NTM: variants seen among roughly 807,000 people sequenced by gnomAD.
The protein encoded by NTM is IgLON family member 2.
NTM carries 13 observed loss-of-function variants against 42.1 expected under a neutral mutation model. The observed-to-expected ratio is 0.31, with a 90% CI of 0.20 to 0.49. The LOEUF (loss-of-function observed/expected upper bound fraction) is 0.49. Among genes scored for constraint, NTM ranks in the 20% least tolerant of loss-of-function variants. NTM has a pLI of 0.99. For synonymous variants in NTM, 187 were observed against 179.2 expected (o/e 1.04, Z -0.35); for missense variants, 373 against 452.8 (o/e 0.82, Z 1.60).
At chr11:131,543,643 G>A (rs113196148) in intron 1 of NTM, among the ~76,000 whole-genome samples, 268 of 152,308 alleles carry the variant, frequency 1.8e-3, no homozygotes, top group Non-Finnish European at 2.6e-3. Context: ...GAGCTGGGGA[G>A]AGGCTCTGCT....
At position 131,781,028 on chromosome 11, in the gene NTM, T is replaced by C. The variant is rs920278977; in HGVS notation, c.83-130536T>C. Among the ~76,000 whole-genome samples, 10 of 152,094 alleles carry C rather than the reference T, an allele frequency of 6.6e-5. 1 individual carries two copies. The highest frequency in any genetic ancestry group is 2.4e-5 in the African/African-American group (1 of 41,428). On this transcript the variant is annotated intron_variant, in intron 1 of 8. Transcript: ENST00000683400. ...TACTACAGAAACCAGAAGACAACTTTAGAAAGTATCTTGTACATAATTTTC... is the reference window on the plus strand; with the variant it reads ...TACTACAGAAACCAGAAGACAACTTCAGAAAGTATCTTGTACATAATTTTC...
At chr11:132,049,432 G>A (rs1263194192) in intron 2 of NTM, among the ~76,000 whole-genome samples, 1 of 152,178 alleles carries the variant, frequency 6.6e-6, no homozygotes, top group Non-Finnish European at 1.5e-5. Context: ...CTGGAAGAGA[G>A]GCTAGGCTGG....
At chr11:132,062,195 A>C (rs2080792911) in intron 2 of NTM, among the ~76,000 whole-genome samples, 1 of 152,200 alleles carries the variant, frequency 6.6e-6, no homozygotes, top group South Asian at 2.1e-4. Flanking sequence ...AGTAACAGTA[A>C]ACCTGCCTCA....
At chr11:131,524,405 C>G (rs946752236) in intron 1 of NTM, among the ~76,000 whole-genome samples, 2 of 152,176 alleles carry the variant, frequency 1.3e-5, no homozygotes, top group African/African-American at 4.8e-5. Flanking sequence ...GTTAGTATAG[C>G]AAGGCACCAA....
intron 2 of NTM, among the ~76,000 whole-genome samples, chr11:132,007,716 G>A (rs1427683099): frequency 6.6e-6 from 1 of 152,196 alleles, no homozygotes; most frequent in African/African-American, 2.4e-5. Flanking sequence ...TTGTGTTTGT[G>A]TATCAGGTTT....
intron 1 of NTM, among the ~76,000 whole-genome samples, chr11:131,764,013 C>A (rs1387431428): frequency 6.6e-6 from 1 of 151,680 alleles, no homozygotes; most frequent in African/African-American, 2.4e-5. Flanking sequence ...AATATTAAAC[C>A]TCTAAAACAT....
At chr11:132,186,611 G>A (rs535063402) in intron 3 of NTM, among the ~76,000 whole-genome samples, 8 of 152,010 alleles carry the variant, frequency 5.3e-5, no homozygotes, top group Admixed American at 3.3e-4. Flanking sequence ...TGAAATGTTC[G>A]GGCTTTCAGG....
chr11:132,321,959 T>A (rs1469460390), intron 7 of NTM, among the ~76,000 whole-genome samples: 1 of 149,272 alleles, frequency 6.7e-6, no homozygotes, highest in African/African-American at 2.5e-5. Context: ...AATAAAATAC[T>A]TTACAGACAA....
At chr11:131,809,354 C>T (rs1169293080) in intron 1 of NTM, among the ~76,000 whole-genome samples, 1 of 152,186 alleles carries the variant, frequency 6.6e-6, no homozygotes, top group Non-Finnish European at 1.5e-5. Flanking sequence ...GTCTGATTCA[C>T]CTTTTCAAGT....
chr11:131,948,325 A>G (rs939449308), intron 2 of NTM, among the ~76,000 whole-genome samples: 4 of 150,928 alleles, frequency 2.7e-5, no homozygotes, highest in Non-Finnish European at 5.9e-5. Context: ...AGATCACGCC[A>G]CTGCACTCCA....
chr11:131,438,894 C>G (rs547093805), intron 1 of NTM, among the ~76,000 whole-genome samples: 3 of 152,174 alleles, frequency 2.0e-5, no homozygotes, highest in African/African-American at 7.2e-5. Flanking sequence ...AGCTTTTCTG[C>G]TCTGGTTTCT....
intron 1 of NTM, among the ~76,000 whole-genome samples, chr11:131,545,645 T>C (rs908920045): frequency 6.6e-6 from 1 of 152,128 alleles, no homozygotes; most frequent in Non-Finnish European, 1.5e-5. Flanking sequence ...GAGAGAGACA[T>C]GAAATCAAAG....
At chr11:131,895,578 C>A (rs570247217) in intron 1 of NTM, among the ~76,000 whole-genome samples, 112 of 151,914 alleles carry the variant, frequency 7.4e-4, no homozygotes, top group Non-Finnish European at 1.4e-3. Context: ...TAAGATCAGA[C>A]AAATCTACAG....
intron 2 of NTM, among the ~76,000 whole-genome samples, chr11:131,966,936 G>A (rs2062913079): frequency 6.6e-6 from 1 of 152,176 alleles, no homozygotes; most frequent in Non-Finnish European, 1.5e-5. Context: ...ACCTTTAGAA[G>A]GAAGAGCCAG....
intron 4 of NTM, among the ~76,000 whole-genome samples, chr11:132,295,664 G>A (rs1449392855): frequency 2.0e-5 from 3 of 152,146 alleles, no homozygotes; most frequent in South Asian, 2.1e-4. Flanking sequence ...ACAATGCCTC[G>A]TGTTTTAGGA....
intron 1 of NTM, among the ~76,000 whole-genome samples, chr11:131,629,464 C>T (rs1256229468): frequency 6.6e-6 from 1 of 152,174 alleles, no homozygotes; most frequent in African/African-American, 2.4e-5. Flanking sequence ...ACATGAAGGA[C>T]AGAACAGGCA....
At chr11:131,722,441 T>C (rs1242675327) in intron 1 of NTM, among the ~76,000 whole-genome samples, 2 of 152,240 alleles carry the variant, frequency 1.3e-5, no homozygotes, top group Non-Finnish European at 2.9e-5. Context: ...AACCAGTTTG[T>C]CAGGGAATTC....
At chr11:132,145,671 T>C (rs1196363023) in intron 2 of NTM, among the ~76,000 whole-genome samples, 1 of 152,216 alleles carries the variant, frequency 6.6e-6, no homozygotes, top group Non-Finnish European at 1.5e-5. Flanking sequence ...CTGGGTATAA[T>C]GAAGATGAAT....
At chr11:131,763,703 C>T (rs11222781) in intron 1 of NTM, among the ~76,000 whole-genome samples, 41,292 of 121,058 alleles carry the variant, frequency 0.34, 8,053 homozygotes, top group East Asian at 0.59. Flanking sequence ...AGGCCCATCT[C>T]TCTCTCTTTT....
Sources: allele counts gnomAD v4.1 joint callset (sites outside exome capture counted in the v4.1 genomes callset), GRCh38; gene constraint gnomAD v4.1.1; transcripts MANE v1.5; gene names NCBI Gene and HGNC (gene_info 2026-07-23, HGNC 2026-07-21).